LAMC3: variants seen among roughly 807,000 people sequenced by gnomAD.
The protein encoded by LAMC3 is laminin subunit gamma 3.
A neutral mutation model predicts 173.8 loss-of-function variants in LAMC3; 128 were observed. That is an observed-to-expected ratio of 0.74 (90% CI 0.64 to 0.85). The LOEUF (loss-of-function observed/expected upper bound fraction) is 0.85. LAMC3 is among the 40% of genes least tolerant of loss of function. LAMC3 has a pLI of 0.00. For synonymous variants in LAMC3, 897 were observed against 909.1 expected (o/e 0.99, Z 0.24); for missense variants, 2,022 against 2,156.0 (o/e 0.94, Z 1.23).
At position 131,057,079 on chromosome 9, in the gene LAMC3, A is replaced by AG. The variant is rs1834422790; in HGVS notation, c.2096dup (p.Pro700SerfsTer11). 2 of 1,614,164 alleles carry AG rather than the reference A, an allele frequency of 1.2e-6. No homozygotes were observed. Among genetic ancestry groups the AG allele is most frequent in the Non-Finnish European group, 8.5e-7 (1 of 1,180,020 alleles). ...CCGGGATACAAGAGGGAGATGCCAC[A>AG]GGGGGGTCCCTATGCCAGCTGTGTC... On this transcript the variant is annotated frameshift_variant, in exon 12 of 28. Transcript: ENST00000361069. LOFTEE classifies it high-confidence loss of function.
intron 1 of LAMC3, among the ~76,000 whole-genome samples, chr9:131,019,798 G>T (rs1348148982): frequency 6.6e-6 from 1 of 152,014 alleles, no homozygotes; most frequent in Non-Finnish European, 1.5e-5. Context: ...GGGTGCTGGT[G>T]CCCATGGAGA....
At chr9:131,058,083 A>G (rs1430522345) in intron 12 of LAMC3, among the ~76,000 whole-genome samples, 1 of 148,910 alleles carries the variant, frequency 6.7e-6, no homozygotes. Context: ...CTGGCTACTC[A>G]TTCTCACTTC....
chr9:131,032,037 T>C lies in LAMC3; in HGVS notation c.679-8T>C. On this transcript the variant is annotated splice_polypyrimidine_tract_variant and splice_region_variant and intron_variant, in intron 2 of 27. Transcript: ENST00000361069. ...CCTGCTGATGGCACCCTCTCCCCTC[T>C]GCCCCAGGAGTGGGTCACCAGCACC... The C allele has an allele frequency of 6.2e-7, 1 of 1,614,080 alleles. No individual in the cohort carries two copies. Among genetic ancestry groups the C allele is most frequent in the East Asian group, 2.2e-5 (1 of 44,868 alleles).
Position 131,061,183 on chromosome 9 carries a change from C to A in LAMC3, c.2307C>A (p.Ser769Arg), listed in dbSNP as rs149626622. The change falls in exon 13 of 28, where the codon AGC becomes AGA. Residue 769 changes from serine to arginine, a missense_variant. Transcript: ENST00000361069. ...CGGCCTGTACGACCATCCCAGAGAGCCGGGAGGTGGTGTGTACCCACTGCC... is the reference window on the plus strand; with the variant it reads ...CGGCCTGTACGACCATCCCAGAGAGACGGGAGGTGGTGTGTACCCACTGCC... ...GQSACTTIPESREVVCTHCPP... is the reference protein window; with the variant it reads ...GQSACTTIPERREVVCTHCPP... 1 of 1,611,530 alleles carries A rather than the reference C, an allele frequency of 6.2e-7. No individual in the cohort carries two copies. The highest frequency in any genetic ancestry group is 8.5e-7 in the Non-Finnish European group (1 of 1,179,856).
chr9:131,062,357 G>A (rs1829846750), intron 13 of LAMC3, among the ~76,000 whole-genome samples: 1 of 151,842 alleles, frequency 6.6e-6, no homozygotes, highest in Non-Finnish European at 1.5e-5. Context: ...GTGAAACTCT[G>A]TCTCAAAAAA....
chr9:131,036,438 C>T, intron 4 of LAMC3, 106 bp downstream of exon 4: 35 of 1,266,220 alleles, frequency 2.8e-5, no homozygotes, highest in Non-Finnish European at 3.9e-5. Context: ...TGGGTACGCC[C>T]CGGGGGCAGC....
chr9:131,089,683 C>T (rs373351895), intron 27 of LAMC3, among the ~76,000 whole-genome samples: 3 of 152,222 alleles, frequency 2.0e-5, no homozygotes, highest in East Asian at 1.9e-4. Flanking sequence ...CCACCATGCC[C>T]GGCCTTATTT....
chr9:131,021,408 C>T (rs576224364), intron 1 of LAMC3: 2 of 152,286 alleles, frequency 1.3e-5, no homozygotes, highest in African/African-American at 2.4e-5. Flanking sequence ...CATATCCTTG[C>T]CAACACTTGT....
intron 6 of LAMC3, among the ~76,000 whole-genome samples, chr9:131,041,141 T>C (rs959706085): frequency 1.4e-4 from 21 of 151,888 alleles, no homozygotes; most frequent in African/African-American, 4.8e-4. Context: ...CCAAGGCAGG[T>C]GGATCACCTG....
Position 131,009,308 on chromosome 9 carries a change from C to T in LAMC3, c.94C>T (p.Pro32Ser). 6.9e-7 allele frequency: 1 copy of T among 1,452,242 alleles called. No homozygotes were observed. Among genetic ancestry groups the T allele is most frequent in the Non-Finnish European group, 9.0e-7 (1 of 1,109,270 alleles). 90.0% of individuals were successfully genotyped at this position (1,452,242 alleles called of 1,614,324 possible). ...MGACYDGAGRPQRCLPVFENA... is the reference protein window; with the variant it reads ...MGACYDGAGRSQRCLPVFENA... ...CGCGTGCTATGACGGCGCAGGGCGC[C>T]CGCAGCGCTGCCTGCCGGTGTTCGA... The change falls in exon 1 of 28, where the codon CCG (proline) becomes TCG (serine). Residue 32 changes from proline (P) to serine (S), a missense_variant. Transcript: ENST00000361069. This position sits in a 1 kb window ranked among gnomAD's most constrained non-coding sequence, Gnocchi z 4.3.
chr9:131,087,391 G>GC, intron 25 of LAMC3, 85 bp from the exon 26 acceptor site: 1 of 1,503,882 alleles, frequency 6.6e-7, no homozygotes, highest in Non-Finnish European at 9.3e-7. Flanking sequence ...ACAACTGCTT[G>GC]GCATCATTGC....
chr9:131,052,163 T>C (rs1292816352), intron 9 of LAMC3, among the ~76,000 whole-genome samples: 2 of 152,166 alleles, frequency 1.3e-5, no homozygotes, highest in Non-Finnish European at 2.9e-5. Flanking sequence ...GACGGCAGCC[T>C]CTCTGGTCAC....
Position 131,039,134 on chromosome 9 carries a change from C to A in LAMC3, c.1169C>A (p.Ser390Tyr). 1 of 1,611,496 alleles carries A rather than the reference C, an allele frequency of 6.2e-7. No homozygotes were observed. The highest frequency in any genetic ancestry group is 8.5e-7 in the Non-Finnish European group (1 of 1,180,018). Residue 390 changes from serine to tyrosine, a missense_variant, in exon 6 of 28, where the codon TCC becomes TAC. Physicochemically the swap from Ser to Tyr is moderately radical, Grantham distance 144. Coordinates refer to ENST00000361069, the MANE Select transcript of LAMC3 (RefSeq NM_006059.4). The part of the protein sequence containing the change: ...CQPCDCQSAG[S>Y]LHLQCDDTGT... ...CCCTGTGCCCTTCCTCTCCCAGGCT[C>A]CCTACACCTCCAGTGCGATGACACA...
chr9:131,065,842 T>A (rs1182965777), intron 13 of LAMC3, among the ~76,000 whole-genome samples: 1 of 121,398 alleles, frequency 8.2e-6, no homozygotes, highest in African/African-American at 3.1e-5. Flanking sequence ...ATGGTCAAGA[T>A]GATGATGATG....
At chr9:131,011,952 T>G (rs1418491164) in intron 1 of LAMC3, among the ~76,000 whole-genome samples, 1 of 152,032 alleles carries the variant, frequency 6.6e-6, no homozygotes, top group Non-Finnish European at 1.5e-5. Flanking sequence ...CTGTGCACCC[T>G]CGTGGAACTC....
chr9:131,055,423 C>CTTTTTTTT (rs56220728), intron 11 of LAMC3, among the ~76,000 whole-genome samples: 19 of 109,214 alleles, frequency 1.7e-4, no homozygotes, highest in South Asian at 6.2e-4. Context: ...TCTTTTCTTT[C>CTTTTTTTT]TTTTTTTTTT....
rs34334770 is a variant in LAMC3 at position 131,029,943 on chromosome 9, CTTT to C, written c.679-2087_679-2085del. On this transcript the variant is annotated intron_variant, in intron 2 of 27. Coordinates refer to ENST00000361069, the MANE Select transcript of LAMC3 (RefSeq NM_006059.4). The surrounding 1 kb of genome is among the most constrained non-coding windows in gnomAD (Gnocchi z 4.6). ...TTCAGTGGGGATTGCCCTAAAATGA[CTTT>C]TTTTTTTTTTTTTTGAGACAGTTTC... is the stretch of plus-strand genomic sequence containing the variant. 4.3e-5 allele frequency among the ~76,000 whole-genome samples: 6 copies of C among 139,112 alleles called. No individual in the cohort carries two copies. The highest frequency in any genetic ancestry group is 2.1e-4 in the East Asian group (1 of 4,736). The allele number at this position is 139,112 out of a possible 152,430, so 91.3% of individuals were successfully genotyped here. A position where few individuals can be genotyped will look rare whatever the true frequency, so the allele number is the denominator to read the frequency against.
At chr9:131,046,109 AAGGT>A (rs1436435757) in intron 8 of LAMC3, among the ~76,000 whole-genome samples, 1 of 151,936 alleles carries the variant, frequency 6.6e-6, no homozygotes, top group African/African-American at 2.4e-5. Flanking sequence ...AGACCTACAA[AAGGT>A]AGGCCACTTG....
At chr9:131,086,805 G>T (rs1830340227) in intron 25 of LAMC3, among the ~76,000 whole-genome samples, 1 of 151,658 alleles carries the variant, frequency 6.6e-6, no homozygotes, top group African/African-American at 2.4e-5. Flanking sequence ...CACAAGAATT[G>T]CTTGAACCTG....
Sources: allele counts gnomAD v4.1 joint callset (sites outside exome capture counted in the v4.1 genomes callset), GRCh38; gene constraint gnomAD v4.1.1; non-coding constraint Gnocchi (gnomAD v3.1); transcripts MANE v1.5; gene names NCBI Gene and HGNC (gene_info 2026-07-23, HGNC 2026-07-21).